RANBP2: variants seen among roughly 807,000 people sequenced by gnomAD.
The protein encoded by RANBP2 is E3 SUMO-protein ligase RanBP2.
Under a neutral mutation model 303.6 loss-of-function variants are expected in RANBP2, and 57 were observed. The observed-to-expected ratio is 0.19, with a 90% CI of 0.15 to 0.23. The LOEUF is 0.23. RANBP2 is among the 10% of genes least tolerant of loss of function. RANBP2 has a pLI of 1.00. For missense variants in RANBP2, 3,138 were observed against 3,780.8 expected, an observed-to-expected ratio of 0.83 and a Z score of 4.46; for synonymous variants, 1,167 against 1,301.5, an observed-to-expected ratio of 0.90 and a Z score of 2.23.
the RANBP2 span, among the ~76,000 whole-genome samples, chr2:109,452,887 CCCAGGAGGCTGGTCCCGGGAGGCTGGTG>C: frequency 6.4e-4 from 92 of 144,140 alleles, no homozygotes; most frequent in African/African-American, 2.0e-3. Flanking sequence ...GGAGGCTGGT[CCCAGGAGGCTGGTCCCGGGAGGCTGGTG>C]CCAGGAGGCT....
the RANBP2 span, among the ~76,000 whole-genome samples, chr2:109,081,834 C>T: frequency 6.6e-6 from 1 of 152,222 alleles, no homozygotes; most frequent in African/African-American, 2.4e-5. Context: ...CACATCCTTG[C>T]TATTCAGTTG....
chr2:108,792,995 C>T, the RANBP2 span, among the ~76,000 whole-genome samples: 2 of 151,316 alleles, frequency 1.3e-5, no homozygotes, highest in Non-Finnish European at 2.9e-5. Context: ...ACCCGGGAAG[C>T]GGAGGTTGCA....
At chr2:109,045,785 C>T in the RANBP2 span, among the ~76,000 whole-genome samples, 10 of 152,066 alleles carry the variant, frequency 6.6e-5, no homozygotes, top group Admixed American at 6.6e-4. Context: ...GGAAGAAACA[C>T]TCCTGAACAC....
chr2:108,971,089 T>C, the RANBP2 span, among the ~76,000 whole-genome samples: 1 of 151,942 alleles, frequency 6.6e-6, no homozygotes, highest in Non-Finnish European at 1.5e-5. Context: ...CACTGGGGGA[T>C]TCTTCACCCC....
chr2:109,413,720 C>G, the RANBP2 span, among the ~76,000 whole-genome samples: 2 of 152,214 alleles, frequency 1.3e-5, no homozygotes, highest in African/African-American at 4.8e-5. Context: ...ATAGACATGT[C>G]ATGAGGGCCA....
the RANBP2 span, among the ~76,000 whole-genome samples, chr2:108,797,687 A>G: frequency 1.3e-5 from 2 of 152,174 alleles, no homozygotes; most frequent in Non-Finnish European, 2.9e-5. Context: ...AGAAGCATGT[A>G]TATATGTATT....
At chr2:109,712,576 C>G in the RANBP2 span, among the ~76,000 whole-genome samples, 1 of 152,014 alleles carries the variant, frequency 6.6e-6, no homozygotes, top group African/African-American at 2.4e-5. Context: ...GGATTACAGG[C>G]GTGTGCCACA....
the RANBP2 span, among the ~76,000 whole-genome samples, chr2:108,989,535 A>G: frequency 6.6e-6 from 1 of 152,122 alleles, no homozygotes; most frequent in South Asian, 2.1e-4. Context: ...CCCCACTGAG[A>G]TGGCTACAGG....
chr2:109,443,453 A>G, the RANBP2 span, among the ~76,000 whole-genome samples: 5 of 152,216 alleles, frequency 3.3e-5, no homozygotes, highest in African/African-American at 1.2e-4. Context: ...TTGCCATTCC[A>G]TGAATGTCTG....
chr2:109,464,416 CAT>C, the RANBP2 span, among the ~76,000 whole-genome samples: 158 of 152,296 alleles, frequency 1.0e-3, 1 homozygote, highest in African/African-American at 3.5e-3. Context: ...CACATACAAA[CAT>C]GACTACATGT....
At chr2:109,399,005 G>C in the RANBP2 span, 2 of 1,479,536 alleles carry the variant, frequency 1.4e-6, no homozygotes, top group Non-Finnish European at 9.1e-7. Flanking sequence ...CCTCAGCTCC[G>C]TGTTCAGTGT....
chr2:109,469,021 A>G, the RANBP2 span, among the ~76,000 whole-genome samples: 1 of 150,934 alleles, frequency 6.6e-6, no homozygotes, highest in Admixed American at 6.7e-5. Flanking sequence ...TCCAGCCACC[A>G]GTCTTGGCTC....
chr2:108,719,798 C>G, intron 1 of RANBP2, 120 bp downstream of exon 1: 1 of 1,492,176 alleles, frequency 6.7e-7, no homozygotes, highest in African/African-American at 1.4e-5. Context: ...AGGCGCCGGC[C>G]GGCTGGCGCA....
chr2:108,919,784 G>A, the RANBP2 span, among the ~76,000 whole-genome samples: 2 of 152,000 alleles, frequency 1.3e-5, no homozygotes, highest in Non-Finnish European at 2.9e-5. Context: ...TGGGGCACCT[G>A]CCCTCTCCCC....
At chr2:109,049,893 T>C in the RANBP2 span, among the ~76,000 whole-genome samples, 5 of 152,200 alleles carry the variant, frequency 3.3e-5, no homozygotes, top group Non-Finnish European at 5.9e-5. Context: ...ATCAAGACCA[T>C]AGGGCTGACC....
At chr2:109,490,793 G>A in the RANBP2 span, 1 of 1,536,978 alleles carries the variant, frequency 6.5e-7, no homozygotes, top group East Asian at 2.4e-5. Context: ...GCCCCATAGA[G>A]AGCGAGATGC....
At chr2:109,419,720 G>A in the RANBP2 span, 1 of 1,380,394 alleles carries the variant, frequency 7.2e-7, no homozygotes, top group Non-Finnish European at 9.9e-7. Flanking sequence ...TCCACGTGTG[G>A]TTTCCGCAGG....
the RANBP2 span, among the ~76,000 whole-genome samples, chr2:109,629,320 TA>T: frequency 3.4e-3 from 13 of 3,876 alleles, no homozygotes; most frequent in African/African-American, 8.7e-3. Context: ...TATATATATA[TA>T]TATATATATA....
the RANBP2 span, among the ~76,000 whole-genome samples, chr2:109,627,893 T>C: frequency 6.6e-6 from 1 of 152,252 alleles, no homozygotes; most frequent in African/African-American, 2.4e-5. Context: ...CTTCAACAGT[T>C]GATAATCAGT....
Sources: gnomAD v4.1 joint callset for allele counts (sites outside exome capture counted in the v4.1 genomes callset) on GRCh38, gnomAD v4.1.1 for gene constraint, MANE v1.5 for transcripts, NCBI Gene and HGNC (gene_info 2026-07-23, HGNC 2026-07-21) for gene names.